The following CFAP46 variants were observed in gnomAD, a reference collection of about 807,000 sequenced individuals.
The protein encoded by CFAP46 is cilia- and flagella-associated protein 46.
In CFAP46, 245 loss-of-function variants were observed where a neutral mutation model predicts 325.7. That is an observed-to-expected ratio of 0.75 (90% CI 0.68 to 0.84). The LOEUF is 0.84. Ranked by LOEUF, CFAP46 falls within the 40% of genes least tolerant of loss-of-function variation. The probability of loss-of-function intolerance (pLI) is 0.00; values close to 1 mark genes in which losing one functional copy is unlikely to be tolerated. For synonymous variants in CFAP46, 1,523 were observed against 1,495.9 expected, an observed-to-expected ratio of 1.02 and a Z score of -0.42; for missense variants, 3,346 against 3,543.0, an observed-to-expected ratio of 0.94 and a Z score of 1.41.
chr10:132,901,209 T>C (rs754312854), intron 22 of CFAP46, among the ~76,000 whole-genome samples: 1 of 152,214 alleles, frequency 6.6e-6, no homozygotes, highest in Admixed American at 6.5e-5. Flanking sequence ...TACTTTATCA[T>C]TGGGTCTTGC....
chr10:132,872,885 G>A (rs987318357), intron 31 of CFAP46, 61 bp from the exon 32 acceptor site: 2 of 1,533,976 alleles, frequency 1.3e-6, no homozygotes, highest in African/African-American at 2.8e-5. Context: ...ACAAGCATAA[G>A]GGTCTTTCCT....
At chr10:132,865,725 C>CT (rs1184764527) in intron 35 of CFAP46, among the ~76,000 whole-genome samples, 1 of 152,234 alleles carries the variant, frequency 6.6e-6, no homozygotes, top group African/African-American at 2.4e-5. Context: ...AGGTAAGAAA[C>CT]TGACTATGGC....
At chr10:132,850,844 C>T (rs865776707) in intron 40 of CFAP46, among the ~76,000 whole-genome samples, 6 of 151,966 alleles carry the variant, frequency 3.9e-5, no homozygotes, top group South Asian at 4.2e-4. Context: ...ATTATTAATA[C>T]GAATTAATTA....
At position 132,939,657 on chromosome 10, in the gene CFAP46, G is replaced by C. The variant is rs11146052; in HGVS notation, c.372-904C>G. Reference sequence around the variant, plus strand: ...TCATCCTGTTTCCAGGTTTTCAGGAGAGGAGCGGAGGTGCGGGGTGTCCTG... The same window carrying C: ...TCATCCTGTTTCCAGGTTTTCAGGACAGGAGCGGAGGTGCGGGGTGTCCTG... On this transcript the variant is annotated intron_variant, in intron 4 of 57. Transcript: ENST00000368586. This position sits in a 1 kb window ranked among gnomAD's most constrained non-coding sequence, Gnocchi z 4.6. Among the ~76,000 whole-genome samples the C allele has an allele frequency of 5.6e-3, 849 of 152,296 alleles. 7 individuals are homozygous for C. Among genetic ancestry groups the C allele is most frequent in the East Asian group, 0.024 (125 of 5,166 alleles).
intron 32 of CFAP46, among the ~76,000 whole-genome samples, chr10:132,871,665 C>T (rs1848897216): frequency 6.6e-6 from 1 of 152,218 alleles, no homozygotes; most frequent in South Asian, 2.1e-4. Context: ...TGAATTGCTG[C>T]AATCTCAAGA....
chr10:132,941,284 AGTGCCT>A (rs1564807888), intron 3 of CFAP46, among the ~76,000 whole-genome samples: 1 of 152,184 alleles, frequency 6.6e-6, no homozygotes, highest in African/African-American at 2.4e-5. Flanking sequence ...CAGAAACCGC[AGTGCCT>A]GTGCTCCAGC....
intron 50 of CFAP46, among the ~76,000 whole-genome samples, chr10:132,831,416 G>A (rs982992807): frequency 1.3e-5 from 2 of 152,020 alleles, no homozygotes; most frequent in Non-Finnish European, 2.9e-5. Flanking sequence ...TGTGTTTTAC[G>A]GGGATGTTAA....
chr10:132,808,923 G>A lies in CFAP46; in HGVS notation c.7665-19C>T, dbSNP rs1847522081. ...GCCTCGTCTGTGGAGAAAGGGGCGG[G>A]AGCTATGAACCCCGAGGCCCCGCAG... On this transcript the variant is annotated intron_variant, in intron 57 of 57. Transcript: ENST00000368586. The surrounding 1 kb of genome is among the most constrained non-coding windows in gnomAD (Gnocchi z 6.8). 1 of 1,556,984 alleles carries A rather than the reference G, an allele frequency of 6.4e-7. No homozygotes were observed. The highest frequency in any genetic ancestry group is 8.7e-7 in the Non-Finnish European group (1 of 1,146,754).
intron 9 of CFAP46, chr10:132,929,304 T>G: frequency 1.7e-6 from 1 of 602,324 alleles, no homozygotes; most frequent in Non-Finnish European, 3.0e-6. Context: ...ATTTTCATAC[T>G]GTAGCTGTCT....
Position 132,869,181 on chromosome 10 carries a change from C to T in CFAP46, c.4610+93G>A. On this transcript the variant is annotated intron_variant, in intron 33 of 57. Transcript: ENST00000368586. The surrounding 1 kb of genome is among the most constrained non-coding windows in gnomAD (Gnocchi z 6.2). The stretch of plus-strand genomic sequence containing the variant: ...CACTCTCCCCAGAGGGGCAGGAGTC[C>T]AGGGAAGAGGGTGGCCGCGCAGCTG... 1 of 1,055,234 alleles carries T rather than the reference C, an allele frequency of 9.5e-7. No individual in the cohort carries two copies. Among genetic ancestry groups the T allele is most frequent in the Non-Finnish European group, 1.3e-6 (1 of 751,244 alleles). 65.4% of individuals were successfully genotyped at this position (1,055,234 alleles called of 1,614,324 possible). A position where few individuals can be genotyped will look rare whatever the true frequency, so the allele number is the denominator to read the frequency against.
chr10:132,869,438 C>A lies in CFAP46; in HGVS notation c.4512-66G>T. On this transcript the variant is annotated intron_variant, in intron 32 of 57. Coordinates refer to ENST00000368586, the MANE Select transcript of CFAP46 (RefSeq NM_001200049.3). This position sits in a 1 kb window ranked among gnomAD's most constrained non-coding sequence, Gnocchi z 6.2. ...GCAGAGGGAGCCAGAAACGAAGCTA[C>A]TAGTGTGCTTCACAGAAAACGGTCA... 8.4e-7 allele frequency: 1 copy of A among 1,194,470 alleles called. No homozygotes were observed. Among genetic ancestry groups the A allele is most frequent in the South Asian group, 1.6e-5 (1 of 61,770 alleles). The allele number at this position is 1,194,470 out of a possible 1,614,324, so 74.0% of individuals were successfully genotyped here. A position where few individuals can be genotyped will look rare whatever the true frequency, so the allele number is the denominator to read the frequency against.
intron 50 of CFAP46, among the ~76,000 whole-genome samples, chr10:132,830,939 G>A (rs936570596): frequency 3.3e-5 from 5 of 152,072 alleles, no homozygotes; most frequent in African/African-American, 1.2e-4. Flanking sequence ...TCCTTCTTGC[G>A]CTTCAGCAGC....
rs1384996124 is a variant in CFAP46 at position 132,832,978 on chromosome 10, A to G, written c.7117+380T>C. ...GTTTTGAGTGTTTATATATATACAT[A>G]TATATTTTATTTTTGACAGGGTCTC... On this transcript the variant is annotated intron_variant, in intron 50 of 57. Coordinates refer to ENST00000368586, the MANE Select transcript of CFAP46 (RefSeq NM_001200049.3). This position sits in a 1 kb window ranked among gnomAD's most constrained non-coding sequence, Gnocchi z 4.1. Among the ~76,000 whole-genome samples, 3 of 152,098 alleles carry G rather than the reference A, an allele frequency of 2.0e-5. No homozygotes were observed. The highest frequency in any genetic ancestry group is 1.5e-5 in the Non-Finnish European group (1 of 68,022).
chr10:132,924,599 C>A, intron 11 of CFAP46, 97 bp downstream of exon 11: 1 of 1,212,414 alleles, frequency 8.2e-7, no homozygotes, highest in Non-Finnish European at 1.1e-6. Flanking sequence ...GCTTGTGGCA[C>A]TGTCATGGCA....
intron 13 of CFAP46, among the ~76,000 whole-genome samples, chr10:132,920,614 A>G (rs1164825611): frequency 6.6e-6 from 1 of 152,202 alleles, no homozygotes; most frequent in Non-Finnish European, 1.5e-5. Flanking sequence ...TTTCCTGGCA[A>G]ATAATCACGA....
At chr10:132,853,409 C>A (rs746882722) in intron 39 of CFAP46, among the ~76,000 whole-genome samples, 4 of 151,970 alleles carry the variant, frequency 2.6e-5, no homozygotes, top group Admixed American at 2.6e-4. Flanking sequence ...ATGTATTATC[C>A]TTTTTATATA....
chr10:132,913,755 G>A (rs919499979), intron 17 of CFAP46, among the ~76,000 whole-genome samples: 11 of 152,232 alleles, frequency 7.2e-5, no homozygotes, highest in African/African-American at 2.6e-4. Flanking sequence ...TCTTGTTTCC[G>A]GAAGTCTGTG....
chr10:132,830,002 A>G (rs190571596), intron 50 of CFAP46, among the ~76,000 whole-genome samples: 1 of 151,574 alleles, frequency 6.6e-6, no homozygotes, highest in East Asian at 1.9e-4. Flanking sequence ...TTAATCTCCT[A>G]ATGTCTTTTT....
intron 25 of CFAP46, among the ~76,000 whole-genome samples, chr10:132,888,800 C>CCG: frequency 1.1e-5 from 1 of 88,684 alleles, no homozygotes; most frequent in Non-Finnish European, 2.4e-5. Context: ...CCGCCTGCAC[C>CCG]TGCCACCTTC....
Sources: allele counts gnomAD v4.1 joint callset (sites outside exome capture counted in the v4.1 genomes callset), GRCh38; gene constraint gnomAD v4.1.1; non-coding constraint Gnocchi (gnomAD v3.1); transcripts MANE v1.5; gene names NCBI Gene and HGNC (gene_info 2026-07-23, HGNC 2026-07-21).